The following TBC1D5 variants were observed in gnomAD, a reference collection of about 807,000 sequenced individuals.
TBC1D5 encodes TBC1 domain family, member 5.
A neutral mutation model predicts 100.3 loss-of-function variants in TBC1D5; 75 were observed. The observed-to-expected ratio is 0.75, with a 90% CI of 0.62 to 0.91. The LOEUF is 0.91. Ranked by LOEUF, TBC1D5 falls within the 40% of genes least tolerant of loss-of-function variation. TBC1D5 has a pLI of 0.00. For missense variants in TBC1D5, 910 were observed against 942.4 expected (o/e 0.97, Z 0.45); for synonymous variants, 323 against 325.6 (o/e 0.99, Z 0.09).
chr3:17,569,614 G>A lies in TBC1D5; in HGVS notation c.-36+54235C>T, dbSNP rs551450536. 2.7e-4 allele frequency among the ~76,000 whole-genome samples: 41 copies of A among 151,416 alleles called. No individual in the cohort carries two copies. In the South Asian group the frequency reaches 3.7e-3, roughly 14 times the overall value. On this transcript the variant is annotated intron_variant, in intron 2 of 21. Transcript: ENST00000253692. ...AAACAGAGCAAATAAAAAAACAAGA[G>A]GACTGTATATTATAAATGCACTTGA...
rs994145319 is a variant in TBC1D5 at position 17,631,446 on chromosome 3, T to G, written c.-100-7533A>C. On this transcript the variant is annotated intron_variant, in intron 1 of 21. Coordinates refer to ENST00000253692, the Ensembl canonical transcript of TBC1D5. ...AACTGCAGCAAGTTGTCCAGAATAG[T>G]TAAGATAACTGATGAAGGTGGCTAC... Among the ~76,000 whole-genome samples the G allele has an allele frequency of 2.6e-5, 4 of 152,352 alleles. No individual in the cohort carries two copies. The East Asian group carries it at 7.7e-4, about 29-fold the overall frequency.
intron 2 of TBC1D5, among the ~76,000 whole-genome samples, chr3:17,548,481 G>GA (rs538456716): frequency 2.7e-3 from 400 of 150,392 alleles, no homozygotes; most frequent in Non-Finnish European, 5.2e-3. Context: ...CAGGGCGGGG[G>GA]AAAAAAAAAC....
chr3:17,716,605 G>T (rs1174198169), intron 1 of TBC1D5, among the ~76,000 whole-genome samples: 1 of 151,918 alleles, frequency 6.6e-6, no homozygotes, highest in East Asian at 1.9e-4. Flanking sequence ...AAATATCAAA[G>T]TTGAAAAGAA....
At chr3:17,563,817 C>G (rs1243612421) in intron 2 of TBC1D5, among the ~76,000 whole-genome samples, 1 of 152,160 alleles carries the variant, frequency 6.6e-6, no homozygotes, top group Non-Finnish European at 1.5e-5. Flanking sequence ...GAGTCTCCCT[C>G]TGTTGCCCAG....
rs374305954 is a variant in TBC1D5, at chr3:17,372,263, T to C, written c.823-16A>G. ...TTTCTTTCCCCTAAAAACAGAAAAA[T>C]TGAACATGTATTATTTAAATATGAA... On this transcript the variant is annotated splice_polypyrimidine_tract_variant and intron_variant, in intron 12 of 21. Coordinates refer to ENST00000253692, the Ensembl canonical transcript of TBC1D5. 3.1e-5 allele frequency: 50 copies of C among 1,592,562 alleles called. No homozygotes were observed. The highest frequency in any genetic ancestry group is 1.7e-4 in the Middle Eastern group (1 of 5,980).
chr3:17,461,532 A>G (rs2095210179), intron 3 of TBC1D5, among the ~76,000 whole-genome samples: 1 of 152,212 alleles, frequency 6.6e-6, no homozygotes, highest in South Asian at 2.1e-4. Flanking sequence ...CTTAGAATTT[A>G]AAAAATAACC....
chr3:17,440,658 T>A (rs2149529319), intron 3 of TBC1D5, among the ~76,000 whole-genome samples: 1 of 152,222 alleles, frequency 6.6e-6, no homozygotes, highest in African/African-American at 2.4e-5. Flanking sequence ...GTTTTGTTTT[T>A]TGAGGCAGAG....
intron 1 of TBC1D5, among the ~76,000 whole-genome samples, chr3:17,720,125 T>G (rs2075572165): frequency 6.6e-6 from 1 of 152,204 alleles, no homozygotes; most frequent in Non-Finnish European, 1.5e-5. Flanking sequence ...ATGTGTGTAT[T>G]TAGATAAAGC....
chr3:17,486,070 A>C (rs561125652), intron 3 of TBC1D5, among the ~76,000 whole-genome samples: 2 of 151,816 alleles, frequency 1.3e-5, no homozygotes, highest in East Asian at 1.9e-4. Flanking sequence ...TGTGGTTTTG[A>C]TTTGCATTTC....
intron 1 of TBC1D5, among the ~76,000 whole-genome samples, chr3:17,679,774 T>C (rs540616030): frequency 2.6e-5 from 4 of 151,744 alleles, no homozygotes; most frequent in Admixed American, 6.5e-5. Flanking sequence ...AATATTTTTA[T>C]ATAGTGAAGT....
intron 1 of TBC1D5, among the ~76,000 whole-genome samples, chr3:17,693,554 T>C (rs797017383): frequency 1.6e-4 from 24 of 152,198 alleles, no homozygotes; most frequent in African/African-American, 5.8e-4. Context: ...TCGCTGAGGC[T>C]TCAGTAGGTA....
At chr3:17,176,898 C>T (rs1432294384) in intron 19 of TBC1D5, among the ~76,000 whole-genome samples, 1 of 151,996 alleles carries the variant, frequency 6.6e-6, no homozygotes, top group African/African-American at 2.4e-5. Flanking sequence ...CATTGAAAAG[C>T]TTGGAGCCTA....
intron 13 of TBC1D5, among the ~76,000 whole-genome samples, chr3:17,354,763 CATTTT>C (rs1208442764): frequency 6.7e-6 from 1 of 148,558 alleles, no homozygotes; most frequent in Non-Finnish European, 1.5e-5. Flanking sequence ...TTATTCCTAT[CATTTT>C]GTTTCCTAGA....
chr3:17,272,466 C>G (rs1007295618), intron 15 of TBC1D5, among the ~76,000 whole-genome samples: 4 of 152,136 alleles, frequency 2.6e-5, no homozygotes, highest in Admixed American at 2.0e-4. Flanking sequence ...TCTTCTTCCT[C>G]TTATGGAAGA....
At chr3:17,451,304 T>C (rs1448831209) in intron 3 of TBC1D5, among the ~76,000 whole-genome samples, 2 of 152,092 alleles carry the variant, frequency 1.3e-5, no homozygotes, top group Non-Finnish European at 2.9e-5. Flanking sequence ...ATCAACACTA[T>C]GAAGAAACTG....
At chr3:17,444,416 T>C (rs1309934520) in intron 3 of TBC1D5, among the ~76,000 whole-genome samples, 1 of 152,078 alleles carries the variant, frequency 6.6e-6, no homozygotes, top group Non-Finnish European at 1.5e-5. Context: ...ATTTCTCCCA[T>C]GTTATTTAAA....
At chr3:17,657,606 A>G (rs1189644603) in intron 1 of TBC1D5, among the ~76,000 whole-genome samples, 1 of 152,142 alleles carries the variant, frequency 6.6e-6, no homozygotes, top group Non-Finnish European at 1.5e-5. Context: ...AAGTGCTGGG[A>G]TTACAGGCGT....
chr3:17,697,412 G>C (rs939517397), intron 1 of TBC1D5, among the ~76,000 whole-genome samples: 12 of 152,114 alleles, frequency 7.9e-5, no homozygotes, highest in Non-Finnish European at 1.2e-4. Context: ...CAAAGTCTCA[G>C]GATACAAAAT....
chr3:17,230,323 C>A (rs1449633016), intron 17 of TBC1D5, among the ~76,000 whole-genome samples: 1 of 152,138 alleles, frequency 6.6e-6, no homozygotes, highest in African/African-American at 2.4e-5. Context: ...AAGTCACCTC[C>A]AAACAAATGA....
Sources: allele counts gnomAD v4.1 joint callset (sites outside exome capture counted in the v4.1 genomes callset), GRCh38; gene constraint gnomAD v4.1.1; transcripts MANE v1.5; gene names NCBI Gene and HGNC (gene_info 2026-07-23, HGNC 2026-07-21).